The following INSC variants were observed in gnomAD, a reference collection of about 807,000 sequenced individuals.
INSC encodes the protein protein inscuteable homolog.
In INSC, 67 loss-of-function variants were observed where a neutral mutation model predicts 58.6. The observed-to-expected ratio is 1.14, with a 90% CI of 0.94 to 1.40. The LOEUF is 1.40. Ranked by LOEUF, INSC falls within the 40% of genes most tolerant of loss-of-function variation. The probability of loss-of-function intolerance (pLI) is 0.00; values close to 1 mark genes in which losing one functional copy is unlikely to be tolerated. For synonymous variants in INSC, 262 were observed against 276.1 expected (o/e 0.95, Z 0.51); for missense variants, 714 against 692.0 (o/e 1.03, Z -0.36).
intron 6 of INSC, among the ~76,000 whole-genome samples, chr11:15,197,884 A>G (rs1016489996): frequency 7.2e-5 from 11 of 152,200 alleles, no homozygotes; most frequent in Admixed American, 2.6e-4. Flanking sequence ...TGAATAATTC[A>G]TACTGTTATG....
chr11:15,113,634 C>G (rs1259148185), upstream of INSC, among the ~76,000 whole-genome samples: 1 of 152,140 alleles, frequency 6.6e-6, no homozygotes, highest in African/African-American at 2.4e-5. Flanking sequence ...TCTCAGGGAA[C>G]TTGGGGAGTA....
chr11:15,247,883 T>A (rs1445918901), downstream of INSC, among the ~76,000 whole-genome samples: 4 of 152,122 alleles, frequency 2.6e-5, no homozygotes, highest in Non-Finnish European at 5.9e-5. Flanking sequence ...CTATCAAGCT[T>A]GAAAGCATAA....
intron 1 of INSC, 59 bp downstream of exon 1, chr11:15,115,062 G>C (rs946003371): frequency 1.0e-6 from 1 of 955,208 alleles, no homozygotes; most frequent in Non-Finnish European, 1.2e-6. Context: ...TGCTAGCCTA[G>C]TTGGGAACAG....
intron 7 of INSC, among the ~76,000 whole-genome samples, chr11:15,213,426 G>A (rs775034674): frequency 1.3e-5 from 2 of 152,172 alleles, no homozygotes; most frequent in African/African-American, 4.8e-5. Context: ...CTAGAAGCAG[G>A]TTGGGTACAA....
chr11:15,120,350 A>G (rs1847840493), intron 1 of INSC, among the ~76,000 whole-genome samples: 1 of 152,174 alleles, frequency 6.6e-6, no homozygotes, highest in Non-Finnish European at 1.5e-5. Flanking sequence ...CTTGTAAACA[A>G]ATAAAGGCCT....
Position 15,175,718 on chromosome 11 carries a change from G to A in INSC, c.57-23G>A, listed in dbSNP as rs746229348. On this transcript the variant is annotated intron_variant, in intron 2 of 12. Coordinates refer to ENST00000379556, the MANE Select transcript of INSC (RefSeq NM_001042536.3). Reference sequence around the variant, plus strand: ...AAATCATGGGGTGTTGATAATTATCGTGGTGCTGTTTCCTGGTTGCAGGCT... The same window carrying A: ...AAATCATGGGGTGTTGATAATTATCATGGTGCTGTTTCCTGGTTGCAGGCT... 4.2e-5 allele frequency: 64 copies of A among 1,509,096 alleles called. No homozygotes were observed. In the Middle Eastern group the frequency reaches 7.1e-4, roughly 17 times the overall value. The allele number at this position is 1,509,096 out of a possible 1,614,324, so 93.5% of individuals were successfully genotyped here.
intron 10 of INSC, among the ~76,000 whole-genome samples, chr11:15,237,219 A>G (rs1342421090): frequency 6.6e-6 from 1 of 152,244 alleles, no homozygotes; most frequent in East Asian, 1.9e-4. Flanking sequence ...AGAGAGCACA[A>G]CTTAACAAAA....
chr11:15,182,065 G>C (rs1427410252), intron 5 of INSC, among the ~76,000 whole-genome samples: 1 of 151,984 alleles, frequency 6.6e-6, no homozygotes, highest in Non-Finnish European at 1.5e-5. Context: ...AATGGGAGGG[G>C]TTCCTTCAGG....
Position 15,178,390 on chromosome 11 carries a change from C to G in INSC, c.522C>G (p.Ser174Arg). 4 of 1,613,680 alleles carry G rather than the reference C, an allele frequency of 2.5e-6. No individual in the cohort carries two copies. The highest frequency in any genetic ancestry group is 3.4e-6 in the Non-Finnish European group (4 of 1,180,026). Residue 174 changes from serine (S) to arginine (R), a missense_variant, in exon 5 of 13, where the codon AGC (serine) becomes AGG (arginine). Ser to Arg is a moderately radical substitution (Grantham distance 110). Coordinates refer to ENST00000379556, the MANE Select transcript of INSC (RefSeq NM_001042536.3). ...SMKACVSETL[S>R]MLGQHFGQLL... ...AGGCCTGCGTGAGTGAGACCCTGAG[C>G]ATGCTGGGCCAGCACTTTGGTCAGC...
At chr11:15,199,136 C>T (rs115620361) in intron 6 of INSC, among the ~76,000 whole-genome samples, 1,538 of 152,224 alleles carry the variant, frequency 0.01, 31 homozygotes, top group African/African-American at 0.035. Context: ...TTATTGTGGA[C>T]GGGACTGAAG....
chr11:15,152,392 AT>A (rs1231624132), intron 2 of INSC, among the ~76,000 whole-genome samples: 1 of 152,208 alleles, frequency 6.6e-6, no homozygotes, highest in Non-Finnish European at 1.5e-5. Context: ...CAGGGAAGCC[AT>A]TAGGCTGGGG....
chr11:15,219,329 C>T (rs146486236), intron 7 of INSC, among the ~76,000 whole-genome samples: 227 of 152,232 alleles, frequency 1.5e-3, no homozygotes, highest in African/African-American at 5.1e-3. Flanking sequence ...GCCACGTCTC[C>T]CAACTGAGGC....
intron 5 of INSC, among the ~76,000 whole-genome samples, 170 bp downstream of exon 5, chr11:15,178,617 G>T (rs969832665): frequency 6.6e-6 from 1 of 152,208 alleles, no homozygotes; most frequent in African/African-American, 2.4e-5. Flanking sequence ...AAAACTGTCA[G>T]AGCTGGGCTG....
chr11:15,149,096 G>A, intron 1 of INSC, 34 bp from the exon 2 acceptor site: 2 of 1,546,250 alleles, frequency 1.3e-6, no homozygotes, highest in Non-Finnish European at 8.7e-7. Context: ...CCTCTTTTAG[G>A]ATCTCGTTGT....
At chr11:15,142,386 T>G (rs527272999) in intron 1 of INSC, among the ~76,000 whole-genome samples, 147 of 152,276 alleles carry the variant, frequency 9.7e-4, no homozygotes, top group African/African-American at 3.0e-3. Context: ...CATGATTCTG[T>G]GTCAAATGCT....
chr11:15,255,909 G>A, the INSC span, among the ~76,000 whole-genome samples: 10 of 152,144 alleles, frequency 6.6e-5, no homozygotes, highest in Non-Finnish European at 1.5e-4. Flanking sequence ...ACAGAAACAA[G>A]AATCTTCAGT....
chr11:15,248,301 G>A (rs1852613578), downstream of INSC, among the ~76,000 whole-genome samples: 1 of 152,184 alleles, frequency 6.6e-6, no homozygotes, highest in African/African-American at 2.4e-5. Flanking sequence ...TACAATAACT[G>A]TAAGTACAAT....
intron 1 of INSC, among the ~76,000 whole-genome samples, chr11:15,134,766 C>G (rs866003996): frequency 3.0e-4 from 46 of 152,062 alleles, no homozygotes; most frequent in African/African-American, 1.0e-3. Flanking sequence ...TTGCTTACCC[C>G]GCAGATTGAT....
the INSC span, among the ~76,000 whole-genome samples, chr11:15,256,394 T>C: frequency 6.6e-6 from 1 of 152,286 alleles, no homozygotes; most frequent in Admixed American, 6.5e-5. Context: ...AGATGGTGCA[T>C]CTTGAGAAAT....
Sources: gnomAD v4.1 joint callset for allele counts (sites outside exome capture counted in the v4.1 genomes callset) on GRCh38, gnomAD v4.1.1 for gene constraint, MANE v1.5 for transcripts, NCBI Gene and HGNC (gene_info 2026-07-23, HGNC 2026-07-21) for gene names.